Variants in CSMD3 observed in about 807,000 individuals in gnomAD.
The protein encoded by CSMD3 is CUB and Sushi multiple domains 3, also known as CUB and sushi domain-containing protein 3.
CSMD3 carries 177 observed loss-of-function variants against 435.2 expected under a neutral mutation model. The observed-to-expected ratio is 0.41, with a 90% CI of 0.36 to 0.46. The LOEUF is 0.46. Ranked by LOEUF, CSMD3 falls within the 20% of genes least tolerant of loss-of-function variation. The pLI is 0.34. For missense variants in CSMD3, 4,265 were observed against 4,504.6 expected, an observed-to-expected ratio of 0.95 and a Z score of 1.52; for synonymous variants, 1,656 against 1,520.5, an observed-to-expected ratio of 1.09 and a Z score of -2.07.
intron 33 of CSMD3, 64 bp from the exon 34 acceptor site, chr8:112,408,477 A>G (rs1228872729): frequency 1.0e-6 from 1 of 989,124 alleles, no homozygotes; most frequent in East Asian, 2.4e-5. Context: ...CTAACAAATT[A>G]TATTATAATC....
At chr8:112,577,002 T>C (rs1829996988) in intron 23 of CSMD3, among the ~76,000 whole-genome samples, 1 of 152,066 alleles carries the variant, frequency 6.6e-6, no homozygotes, top group African/African-American at 2.4e-5. Context: ...CTAACTACAA[T>C]TTATTTAACA....
chr8:112,808,251 G>A (rs1330904677), intron 12 of CSMD3, among the ~76,000 whole-genome samples: 1 of 152,060 alleles, frequency 6.6e-6, no homozygotes, highest in Non-Finnish European at 1.5e-5. Flanking sequence ...GTCTTTAAAT[G>A]TGAATGTGCA....
At chr8:113,149,963 T>C (rs2091767083) in intron 4 of CSMD3, among the ~76,000 whole-genome samples, 2 of 152,090 alleles carry the variant, frequency 1.3e-5, no homozygotes, top group Non-Finnish European at 2.9e-5. Context: ...AAAATCATTA[T>C]GTGAGAAAGA....
intron 10 of CSMD3, among the ~76,000 whole-genome samples, chr8:112,879,688 T>A (rs557496564): frequency 6.6e-6 from 1 of 152,232 alleles, no homozygotes; most frequent in East Asian, 1.9e-4. Context: ...CTCTTTCTCT[T>A]TATTTCTCAG....
chr8:113,332,766 T>G (rs1434213359), intron 1 of CSMD3, among the ~76,000 whole-genome samples: 2 of 151,654 alleles, frequency 1.3e-5, no homozygotes, highest in African/African-American at 4.8e-5. Flanking sequence ...TTGCTAAAAT[T>G]GACAAGTTGA....
chr8:113,317,100 T>A (rs2093916164), intron 1 of CSMD3, among the ~76,000 whole-genome samples: 1 of 152,082 alleles, frequency 6.6e-6, no homozygotes, highest in Admixed American at 6.6e-5. Context: ...GTAGAAGAGG[T>A]TTAAAAAAAA....
At chr8:112,356,587 C>T (rs571434208) in intron 38 of CSMD3, among the ~76,000 whole-genome samples, 1 of 151,584 alleles carries the variant, frequency 6.6e-6, no homozygotes, top group South Asian at 2.1e-4. Flanking sequence ...CCATATTCCA[C>T]TTCCCATGTG....
At chr8:112,451,543 C>G (rs1057373761) in intron 32 of CSMD3, among the ~76,000 whole-genome samples, 1 of 144,728 alleles carries the variant, frequency 6.9e-6, no homozygotes, top group African/African-American at 2.5e-5. Flanking sequence ...ATAATCTTCT[C>G]TTTTTTTTTT....
rs1323355045 is a variant in CSMD3 at position 112,255,378 on chromosome 8, G to C, written c.9912C>G (p.Gly3304=). 6.2e-7 allele frequency: 1 copy of C among 1,613,630 alleles called. No individual in the cohort carries two copies. The highest frequency in any genetic ancestry group is 1.1e-5 in the South Asian group (1 of 91,064). The stretch of plus-strand genomic sequence containing the variant: ...CCTCTGACTGGTATATAAAGCTTTT[G>C]CCTTCTCTTTTTCCTTGGGCAGGTA... ...PGIPAQGKRE[G]KSFIYQSEVS... Residue 3304 remains glycine (G), a synonymous_variant, in exon 62 of 71, where the codon GGC becomes GGG. Coordinates refer to ENST00000297405, the MANE Select transcript of CSMD3 (RefSeq NM_198123.2).
chr8:112,416,039 T>C (rs1811875342), intron 32 of CSMD3, among the ~76,000 whole-genome samples: 1 of 152,176 alleles, frequency 6.6e-6, no homozygotes, highest in Non-Finnish European at 1.5e-5. Flanking sequence ...ATGAAGACTT[T>C]GGAGAACTGT....
intron 10 of CSMD3, among the ~76,000 whole-genome samples, chr8:112,875,715 T>A (rs183747758): frequency 6.6e-6 from 1 of 152,304 alleles, no homozygotes; most frequent in Non-Finnish European, 1.5e-5. Flanking sequence ...TCAATTTGGC[T>A]GATACTTGTG....
At chr8:113,225,212 A>C (rs1220446517) in intron 3 of CSMD3, among the ~76,000 whole-genome samples, 1 of 151,464 alleles carries the variant, frequency 6.6e-6, no homozygotes. Context: ...AAAGCAGAGG[A>C]GTGACTAATT....
intron 47 of CSMD3, among the ~76,000 whole-genome samples, chr8:112,317,042 GT>G (rs1476162381): frequency 2.0e-5 from 3 of 151,934 alleles, no homozygotes; most frequent in African/African-American, 7.2e-5. Flanking sequence ...TGTAAAGTTA[GT>G]TTTTTGGCTT....
intron 63 of CSMD3, among the ~76,000 whole-genome samples, chr8:112,247,763 G>A (rs1307038828): frequency 6.6e-6 from 1 of 152,014 alleles, no homozygotes; most frequent in African/African-American, 2.4e-5. Flanking sequence ...TCAGTTCTGA[G>A]GCCTTACCCC....
chr8:113,367,767 G>T (rs2094321831), intron 1 of CSMD3, among the ~76,000 whole-genome samples: 2 of 151,930 alleles, frequency 1.3e-5, no homozygotes, highest in Non-Finnish European at 2.9e-5. Flanking sequence ...CTGTATGACT[G>T]TATTTTTTCA....
chr8:112,426,193 CAAATA>C (rs1247224315), intron 32 of CSMD3, among the ~76,000 whole-genome samples: 1 of 151,730 alleles, frequency 6.6e-6, no homozygotes, highest in African/African-American at 2.4e-5. Context: ...TCAAGGACAA[CAAATA>C]AAATAAGATA....
At chr8:112,788,223 A>G (rs1049753731) in intron 13 of CSMD3, among the ~76,000 whole-genome samples, 2 of 152,156 alleles carry the variant, frequency 1.3e-5, no homozygotes, top group Non-Finnish European at 2.9e-5. Context: ...ATGAAAAGGG[A>G]GGAGTGTTCT....
chr8:112,985,132 T>A (rs908304342), intron 6 of CSMD3, among the ~76,000 whole-genome samples: 6 of 151,964 alleles, frequency 3.9e-5, no homozygotes, highest in Admixed American at 6.6e-5. Context: ...ACAGTATAAC[T>A]AGGAAAACAC....
intron 52 of CSMD3, among the ~76,000 whole-genome samples, chr8:112,303,662 C>T (rs1178558769): frequency 6.6e-6 from 1 of 151,914 alleles, no homozygotes; most frequent in African/African-American, 2.4e-5. Context: ...TACTTTAATT[C>T]ATTAATGTGA....
Sources: allele counts gnomAD v4.1 joint callset (sites outside exome capture counted in the v4.1 genomes callset), GRCh38; gene constraint gnomAD v4.1.1; transcripts MANE v1.5; gene names NCBI Gene and HGNC (gene_info 2026-07-23, HGNC 2026-07-21).